WBP1L: variants seen among roughly 807,000 people sequenced by gnomAD.
The protein encoded by WBP1L is WW domain binding protein 1 like.
WBP1L carries 17 observed loss-of-function variants against 33.7 expected under a neutral mutation model. The observed-to-expected ratio is 0.50, with a 90% CI of 0.34 to 0.76. The LOEUF (loss-of-function observed/expected upper bound fraction) is 0.76. Among genes scored for constraint, WBP1L ranks in the 30% least tolerant of loss-of-function variants. WBP1L has a pLI of 0.01. For synonymous variants in WBP1L, 173 were observed against 190.8 expected (o/e 0.91, Z 0.77); for missense variants, 389 against 469.4 (o/e 0.83, Z 1.58).
chr10:102,755,496 A>T (rs1181854199), intron 1 of WBP1L, among the ~76,000 whole-genome samples: 1 of 151,910 alleles, frequency 6.6e-6, no homozygotes, highest in Non-Finnish European at 1.5e-5. Flanking sequence ...GGTACAAGTG[A>T]TTCTCCTGCC....
chr10:102,764,109 C>T (rs374999694), intron 1 of WBP1L, among the ~76,000 whole-genome samples: 5 of 152,300 alleles, frequency 3.3e-5, no homozygotes, highest in East Asian at 1.9e-4. Flanking sequence ...CCACCACGCC[C>T]GGCCTTCTCT....
chr10:102,743,982 G>A lies in WBP1L; in HGVS notation c.-72G>A. ...GAAAAGAAGGGAAGAAGGAAGAAGA[G>A]GGTAGAGGAGGAGAGGGAGGAGGAG... On this transcript the variant is annotated 5_prime_UTR_variant, in exon 1 of 4. Coordinates refer to ENST00000448841, the MANE Select transcript of WBP1L (RefSeq NM_001083913.2). 1 of 1,137,506 alleles carries A rather than the reference G, an allele frequency of 8.8e-7. No homozygotes were observed. The highest frequency in any genetic ancestry group is 1.3e-6 in the Non-Finnish European group (1 of 781,420). The allele number at this position is 1,137,506 out of a possible 1,614,324, so 70.5% of individuals were successfully genotyped here.
intron 1 of WBP1L, among the ~76,000 whole-genome samples, chr10:102,769,669 A>G (rs576690473): frequency 1.3e-5 from 2 of 152,340 alleles, no homozygotes; most frequent in African/African-American, 4.8e-5. Flanking sequence ...TTGGAGTCAT[A>G]CAGACCTGGT....
intron 1 of WBP1L, chr10:102,775,990 C>T: frequency 1.6e-6 from 1 of 609,812 alleles, no homozygotes; most frequent in Non-Finnish European, 2.1e-6. Context: ...CCCCACCATC[C>T]TCCCACAGTG....
chr10:102,785,083 G>A (rs1395397419), intron 1 of WBP1L, among the ~76,000 whole-genome samples: 4 of 150,192 alleles, frequency 2.7e-5, no homozygotes, highest in African/African-American at 7.4e-5. Flanking sequence ...CATGGTAGCC[G>A]GGCAGATCTT....
At chr10:102,755,346 C>A (rs981974459) in intron 1 of WBP1L, among the ~76,000 whole-genome samples, 10 of 151,982 alleles carry the variant, frequency 6.6e-5, no homozygotes, top group Admixed American at 6.6e-5. Flanking sequence ...AGCTTTGAAT[C>A]CCTGGCCTCA....
At chr10:102,760,057 G>A (rs1251247286) in intron 1 of WBP1L, among the ~76,000 whole-genome samples, 1 of 152,224 alleles carries the variant, frequency 6.6e-6, no homozygotes, top group Non-Finnish European at 1.5e-5. Context: ...GCTAGTGGGT[G>A]TGAAGTAGTT....
chr10:102,755,074 C>G (rs1277751626), intron 1 of WBP1L, among the ~76,000 whole-genome samples: 1 of 149,748 alleles, frequency 6.7e-6, no homozygotes, highest in Non-Finnish European at 1.5e-5. Context: ...CTCAGCCTCC[C>G]CAGTAGTTGG....
At chr10:102,744,168 C>T (rs1277928147) in intron 1 of WBP1L, 25 bp downstream of exon 1, 1 of 1,538,524 alleles carries the variant, frequency 6.5e-7, no homozygotes, top group Non-Finnish European at 8.8e-7. Context: ...GCGTCTGGGC[C>T]ATGTTGGGTC....
chr10:102,781,274 AG>A (rs1277092690), intron 1 of WBP1L, among the ~76,000 whole-genome samples: 1 of 152,132 alleles, frequency 6.6e-6, no homozygotes, highest in Non-Finnish European at 1.5e-5. Context: ...TGGAGAGGGA[AG>A]GGGGGGAATT....
At chr10:102,807,966 G>T (rs1843760723) in intron 2 of WBP1L, among the ~76,000 whole-genome samples, 1 of 151,888 alleles carries the variant, frequency 6.6e-6, no homozygotes, top group Non-Finnish European at 1.5e-5. Flanking sequence ...TAGCACTTTG[G>T]GAGGCTGAGA....
At position 102,769,110 on chromosome 10, in the gene WBP1L, G is replaced by A. The variant is rs541433546; in HGVS notation, c.90+24967G>A. 5.3e-5 allele frequency among the ~76,000 whole-genome samples: 8 copies of A among 152,286 alleles called. No homozygotes were observed. In the East Asian group the frequency reaches 1.5e-3, roughly 29 times the overall value. On this transcript the variant is annotated intron_variant, in intron 1 of 3. Transcript: ENST00000448841. The stretch of plus-strand genomic sequence containing the variant: ...AGTGATCCTCCTGCCTCAGCCTACT[G>A]AGTAGCTGAACCTACAAGGTGTACG...
intron 1 of WBP1L, among the ~76,000 whole-genome samples, chr10:102,784,707 G>C (rs1454843687): frequency 6.6e-6 from 1 of 151,836 alleles, no homozygotes; most frequent in East Asian, 1.9e-4. Context: ...TTACAGGCGT[G>C]AGCCACCGCG....
intron 1 of WBP1L, among the ~76,000 whole-genome samples, chr10:102,767,049 G>A (rs1377344997): frequency 6.6e-6 from 1 of 152,028 alleles, no homozygotes; most frequent in Non-Finnish European, 1.5e-5. Context: ...CTGTTTCCAG[G>A]GTAGGAAAAA....
At position 102,746,230 on chromosome 10, in the gene WBP1L, A is replaced by G. The variant is rs369152513; in HGVS notation, c.90+2087A>G. ...TGTTATATTCTAATTGCAGTTTGCA[A>G]ACCACAGGCTGCTTTCTTATATCTG... On this transcript the variant is annotated intron_variant, in intron 1 of 3. Coordinates refer to ENST00000448841, the MANE Select transcript of WBP1L (RefSeq NM_001083913.2). 1.2e-5 allele frequency: 11 copies of G among 906,852 alleles called. No homozygotes were observed. In the East Asian group the frequency reaches 9.5e-4, roughly 78 times the overall value. The allele number at this position is 906,852 out of a possible 1,614,324, so 56.2% of individuals were successfully genotyped here. A position where few individuals can be genotyped will look rare whatever the true frequency, so the allele number is the denominator to read the frequency against.
At chr10:102,759,209 C>T (rs957167267) in intron 1 of WBP1L, among the ~76,000 whole-genome samples, 8 of 152,180 alleles carry the variant, frequency 5.3e-5, no homozygotes, top group African/African-American at 1.9e-4. Flanking sequence ...CTGGCGTTAC[C>T]GCTTGACCAA....
chr10:102,809,918 C>T lies in WBP1L; in HGVS notation c.219C>T (p.Ile73=), dbSNP rs1279934655. ...LWWFWLVWTI[I]IILSCCCVCH... is the part of the protein sequence containing the mutation. ...GGTTCTGGCTGGTGTGGACCATCATCATCATCCTGAGCTGCTGCTGTGTTT... is the reference window on the plus strand; with the variant it reads ...GGTTCTGGCTGGTGTGGACCATCATTATCATCCTGAGCTGCTGCTGTGTTT... Residue 73 remains isoleucine, a synonymous_variant, in exon 3 of 4, where the codon ATC becomes ATT. Coordinates refer to ENST00000448841, the MANE Select transcript of WBP1L (RefSeq NM_001083913.2). 1 of 1,613,454 alleles carries T rather than the reference C, an allele frequency of 6.2e-7. No individual in the cohort carries two copies. Among genetic ancestry groups the T allele is most frequent in the Non-Finnish European group, 8.5e-7 (1 of 1,179,724 alleles).
chr10:102,755,901 C>T (rs1590166886), intron 1 of WBP1L, among the ~76,000 whole-genome samples: 1 of 149,284 alleles, frequency 6.7e-6, no homozygotes, highest in South Asian at 2.1e-4. Context: ...AAAAATTAGC[C>T]GGGCGTGGTG....
At chr10:102,776,243 ACT>A in intron 1 of WBP1L, 3 of 1,568,634 alleles carry the variant, frequency 1.9e-6, no homozygotes, top group East Asian at 2.3e-5. Context: ...CGGTCCCAGG[ACT>A]CTGTTTACTT....
Sources: gnomAD v4.1 joint callset for allele counts (sites outside exome capture counted in the v4.1 genomes callset) on GRCh38, gnomAD v4.1.1 for gene constraint, MANE v1.5 for transcripts, NCBI Gene and HGNC (gene_info 2026-07-23, HGNC 2026-07-21) for gene names.